Variants in ACSL3 observed in about 807,000 individuals in gnomAD.
ACSL3 encodes acyl-CoA synthetase long chain family member 3.
A neutral mutation model predicts 84.7 loss-of-function variants in ACSL3; 34 were observed. The ratio of observed to expected loss-of-function variants is 0.40; its 90% CI spans 0.31 to 0.53. ACSL3 has a LOEUF of 0.53. Ranked by LOEUF, ACSL3 falls within the 20% of genes least tolerant of loss-of-function variation. The probability of loss-of-function intolerance (pLI) is 0.48; values close to 1 mark genes in which losing one functional copy is unlikely to be tolerated. For missense variants in ACSL3, 680 were observed against 873.1 expected (o/e 0.78, Z 2.79); for synonymous variants, 315 against 299.4 (o/e 1.05, Z -0.54).
In ACSL3 at chr2:222,922,419, A is replaced by G. The variant is rs965435579; in HGVS notation, c.957-289A>G. Among the ~76,000 whole-genome samples, 9 of 152,348 alleles carry G rather than the reference A, an allele frequency of 5.9e-5. No individual in the cohort carries two copies. In the East Asian group the frequency reaches 1.2e-3, roughly 20 times the overall value. On this transcript the variant is annotated intron_variant, in intron 8 of 16. Transcript: ENST00000357430. ...TCAGTACTTTGCTTCAGCAACGCTT[A>G]TAATTCCTGAGTGCTTTTAAGTAGG...
intron 2 of ACSL3, among the ~76,000 whole-genome samples, chr2:222,895,408 C>T (rs1183238845): frequency 6.6e-6 from 1 of 151,916 alleles, no homozygotes; most frequent in Admixed American, 6.6e-5. Context: ...CAGACAAGCT[C>T]TACTATTTAT....
chr2:222,917,987 G>T, intron 5 of ACSL3, 59 bp from the exon 6 acceptor site: 4 of 1,239,066 alleles, frequency 3.2e-6, no homozygotes, highest in South Asian at 1.2e-5. Context: ...CACATTCAGA[G>T]ACTTTACATT....
At chr2:222,910,835 TAAGA>T (rs1696421825) in intron 4 of ACSL3, among the ~76,000 whole-genome samples, 1 of 152,200 alleles carries the variant, frequency 6.6e-6, no homozygotes, top group South Asian at 2.1e-4. Context: ...ACCTTATTTT[TAAGA>T]CATATTCCCT....
chr2:222,874,268 G>A (rs189835923), intron 1 of ACSL3, among the ~76,000 whole-genome samples: 56 of 152,248 alleles, frequency 3.7e-4, no homozygotes, highest in Admixed American at 7.8e-4. Flanking sequence ...CAGGTGATCC[G>A]TCTGCCTCGG....
intron 1 of ACSL3, chr2:222,861,669 GC>G (rs1695017606): frequency 6.6e-6 from 1 of 152,314 alleles, no homozygotes; most frequent in Non-Finnish European, 1.5e-5. Flanking sequence ...AGGAGACTCA[GC>G]CCTGCGATTT....
chr2:222,911,723 T>A (rs1696444825), intron 4 of ACSL3, among the ~76,000 whole-genome samples: 1 of 152,228 alleles, frequency 6.6e-6, no homozygotes, highest in East Asian at 1.9e-4. Context: ...TCTTCCTAAT[T>A]CGTGTATCAG....
At chr2:222,925,572 C>G (rs1371048220) in intron 11 of ACSL3, among the ~76,000 whole-genome samples, 1 of 152,050 alleles carries the variant, frequency 6.6e-6, no homozygotes, top group African/African-American at 2.4e-5. Flanking sequence ...TGCACACCAC[C>G]CTGGGTGAAA....
In ACSL3 at chr2:222,928,944, AC is replaced by A. The variant is rs1268468603; in HGVS notation, c.1540+9del. 1 of 1,606,918 alleles carries A rather than the reference AC, an allele frequency of 6.2e-7. No homozygotes were observed. The highest frequency in any genetic ancestry group is 1.7e-5 in the Admixed American group (1 of 59,756). On this transcript the variant is annotated intron_variant, in intron 13 of 16. Coordinates refer to ENST00000357430, the MANE Select transcript of ACSL3 (RefSeq NM_004457.5). ...TAAAAAACTGGGAGGAAGGTAATAA[AC>A]TATTTTAACCACAGAGCATTAATTT... is the stretch of plus-strand genomic sequence containing the variant.
chr2:222,925,571 C>T (rs1357114562), intron 11 of ACSL3, among the ~76,000 whole-genome samples: 4 of 151,960 alleles, frequency 2.6e-5, no homozygotes, highest in African/African-American at 9.7e-5. Flanking sequence ...CTGCACACCA[C>T]CCTGGGTGAA....
intron 8 of ACSL3, among the ~76,000 whole-genome samples, 166 bp from the exon 9 acceptor site, chr2:222,922,542 C>G (rs576192172): frequency 1.8e-5 from 2 of 113,928 alleles, no homozygotes; most frequent in Admixed American, 1.0e-4. Context: ...TGCCTATCCT[C>G]TGTTTTCACC....
chr2:222,888,940 T>A (rs10183313), intron 2 of ACSL3, among the ~76,000 whole-genome samples: 5,235 of 152,246 alleles, frequency 0.034, 151 homozygotes, highest in Non-Finnish European at 0.052. Context: ...AAATTAAGAG[T>A]GCTTTTGAAG....
At chr2:222,903,942 TA>T (rs11315051) in intron 3 of ACSL3, among the ~76,000 whole-genome samples, 125,391 of 150,832 alleles carry the variant, frequency 0.83, 52,375 homozygotes, top group East Asian at 0.97. Flanking sequence ...CCTGAATAGT[TA>T]AAAAAAAAAA....
intron 16 of ACSL3, among the ~76,000 whole-genome samples, chr2:222,939,652 G>A (rs1697255471): frequency 6.6e-6 from 1 of 152,164 alleles, no homozygotes; most frequent in Admixed American, 6.5e-5. Context: ...GTACTGTGCT[G>A]AGGGGAGGGT....
intron 10 of ACSL3, among the ~76,000 whole-genome samples, chr2:222,923,430 C>T (rs1696791250): frequency 6.6e-6 from 1 of 152,154 alleles, no homozygotes. Flanking sequence ...TTCATGATAT[C>T]TGTTGGTGAA....
intron 4 of ACSL3, 72 bp downstream of exon 4, chr2:222,909,222 G>C: frequency 1.4e-6 from 2 of 1,434,226 alleles, no homozygotes; most frequent in South Asian, 2.6e-5. Context: ...TAAAGGGCAA[G>C]CACAGCCTGC....
chr2:222,923,174 T>C (rs962584503), intron 10 of ACSL3, 25 bp downstream of exon 10: 5 of 1,564,732 alleles, frequency 3.2e-6, no homozygotes, highest in Admixed American at 3.3e-5. Flanking sequence ...TTATTTAATA[T>C]TGAGTATTAA....
intron 1 of ACSL3, among the ~76,000 whole-genome samples, chr2:222,875,908 C>T (rs1474104772): frequency 6.6e-6 from 1 of 152,088 alleles, no homozygotes; most frequent in Admixed American, 6.6e-5. Flanking sequence ...ATTTATTGAA[C>T]ATATACTAGG....
intron 11 of ACSL3, among the ~76,000 whole-genome samples, chr2:222,925,550 T>C (rs190970008): frequency 1.3e-5 from 2 of 151,866 alleles, no homozygotes; most frequent in Admixed American, 1.3e-4. Context: ...CTGGGAGCAA[T>C]GACTGCACCA....
intron 1 of ACSL3, among the ~76,000 whole-genome samples, chr2:222,880,528 A>T (rs570028137): frequency 4.6e-5 from 7 of 152,156 alleles, no homozygotes; most frequent in Admixed American, 6.6e-5. Context: ...AATAATATAT[A>T]AAAAAACTGT....
Sources: gnomAD v4.1 joint callset for allele counts (sites outside exome capture counted in the v4.1 genomes callset) on GRCh38, gnomAD v4.1.1 for gene constraint, MANE v1.5 for transcripts, NCBI Gene and HGNC (gene_info 2026-07-23, HGNC 2026-07-21) for gene names.